The following CHST9 variants were observed in gnomAD, a reference collection of about 807,000 sequenced individuals.
CHST9 encodes the protein carbohydrate sulfotransferase 9.
Under a neutral mutation model 44.4 loss-of-function variants are expected in CHST9, and 41 were observed. That is an observed-to-expected ratio of 0.92 (90% CI 0.72 to 1.20). CHST9 has a LOEUF of 1.20. Ranked by LOEUF, CHST9 falls within the 50% of genes most tolerant of loss-of-function variation. CHST9 has a pLI of 0.00. For missense variants in CHST9, 504 were observed against 516.5 expected, an observed-to-expected ratio of 0.98 and a Z score of 0.23; for synonymous variants, 171 against 178.4, an observed-to-expected ratio of 0.96 and a Z score of 0.33.
Position 27,096,528 on chromosome 18 carries a change from T to C in CHST9, c.121+46161A>G, listed in dbSNP as rs1054177209. On this transcript the variant is annotated intron_variant, in intron 2 of 5. Transcript: ENST00000618847. ...TGAAAGGATAAGCAAGATTGGTAGATTGCTAGCTAGATTAACAAAGAAAAA... is the reference window on the plus strand; with the variant it reads ...TGAAAGGATAAGCAAGATTGGTAGACTGCTAGCTAGATTAACAAAGAAAAA... Among the ~76,000 whole-genome samples the C allele has an allele frequency of 4.0e-5, 6 of 151,860 alleles. No homozygotes were observed. The South Asian group carries it at 6.2e-4, about 16-fold the overall frequency.
intron 4 of CHST9, among the ~76,000 whole-genome samples, chr18:26,965,902 T>C (rs1002334486): frequency 3.9e-5 from 6 of 152,044 alleles, no homozygotes; most frequent in African/African-American, 9.7e-5. Context: ...GAAGTAGACA[T>C]TGAGGAAACA....
At chr18:26,948,992 C>G (rs1348356583) in intron 4 of CHST9, among the ~76,000 whole-genome samples, 1 of 152,036 alleles carries the variant, frequency 6.6e-6, no homozygotes, top group African/African-American at 2.4e-5. Context: ...GAGATTGTGA[C>G]TTGGGGTGAT....
At chr18:26,983,748 G>C (rs2056721495) in intron 4 of CHST9, among the ~76,000 whole-genome samples, 1 of 152,150 alleles carries the variant, frequency 6.6e-6, no homozygotes, top group African/African-American at 2.4e-5. Flanking sequence ...TGATATTATT[G>C]ATCTGAAGAA....
chr18:26,941,061 G>T (rs143329849), intron 5 of CHST9, among the ~76,000 whole-genome samples: 1 of 152,188 alleles, frequency 6.6e-6, no homozygotes, highest in Admixed American at 6.5e-5. Context: ...TGCTGACCCC[G>T]TATTTTGTAT....
intron 1 of CHST9, among the ~76,000 whole-genome samples, chr18:27,152,278 T>G (rs768520413): frequency 1.3e-5 from 2 of 152,172 alleles, no homozygotes; most frequent in Non-Finnish European, 2.9e-5. Flanking sequence ...TGCCCTTATA[T>G]TCTTTGTTTT....
intron 4 of CHST9, among the ~76,000 whole-genome samples, chr18:26,979,564 G>T (rs376658084): frequency 6.2e-4 from 94 of 151,800 alleles, no homozygotes; most frequent in African/African-American, 2.1e-3. Context: ...GATTTACAAG[G>T]CCTCATCTGC....
rs529041069 is a variant in CHST9, at chr18:26,927,136, A to G, written c.241-9786T>C. Among the ~76,000 whole-genome samples, 3 of 152,290 alleles carry G rather than the reference A, an allele frequency of 2.0e-5. No homozygotes were observed. The South Asian group carries it at 6.2e-4, about 32-fold the overall frequency. ...TTGTTCTAAAGTATACAGTTGCTAG[A>G]CAGAGTTCTTCTTCTTGTTCTCTGG... is the stretch of plus-strand genomic sequence containing the variant. On this transcript the variant is annotated intron_variant, in intron 5 of 5. Transcript: ENST00000618847.
Position 26,916,564 on chromosome 18 carries a change from G to A in CHST9, c.1027C>T (p.Pro343Ser). 1 of 1,613,762 alleles carries A rather than the reference G, an allele frequency of 6.2e-7. No individual in the cohort carries two copies. The highest frequency in any genetic ancestry group is 1.6e-4 in the Middle Eastern group (1 of 6,062). ...FIHYLLDSHR[P>S]VGMDIHWEKV... ...TCCCAGTGAATGTCCATTCCTACTG[G>A]ACGGTGGGAATCCAGCAAGTAGTGG... Residue 343 changes from proline (P) to serine (S), a missense_variant, in exon 6 of 6, where the codon CCA (proline) becomes TCA (serine). By Grantham distance (74) the Pro-to-Ser change is moderately conservative. Transcript: ENST00000618847.
chr18:27,026,434 C>T (rs577701618), intron 3 of CHST9, among the ~76,000 whole-genome samples: 3 of 152,210 alleles, frequency 2.0e-5, no homozygotes, highest in African/African-American at 4.8e-5. Context: ...TTTCTGTAAG[C>T]ATCGATTAAA....
At chr18:27,049,456 A>G (rs1278632766) in intron 2 of CHST9, among the ~76,000 whole-genome samples, 2 of 152,106 alleles carry the variant, frequency 1.3e-5, no homozygotes, top group African/African-American at 4.8e-5. Context: ...AGAAAATTTA[A>G]CTATCCTAAT....
chr18:27,053,218 G>GGAAGAGGAAGAA (rs1491351077), intron 2 of CHST9, among the ~76,000 whole-genome samples: 3 of 32,324 alleles, frequency 9.3e-5, no homozygotes, highest in African/African-American at 2.0e-4. Flanking sequence ...AGGAGGAAGA[G>GGAAGAGGAAGAA]GAAGAAGAAG....
chr18:27,164,513 A>C (rs1336552716), intron 1 of CHST9, among the ~76,000 whole-genome samples: 1 of 152,114 alleles, frequency 6.6e-6, no homozygotes, highest in Non-Finnish European at 1.5e-5. Flanking sequence ...AATTTCAGAC[A>C]GTTAGAAGTG....
At chr18:27,183,118 G>T (rs556948387) in intron 1 of CHST9, among the ~76,000 whole-genome samples, 102 of 149,960 alleles carry the variant, frequency 6.8e-4, no homozygotes, top group African/African-American at 2.4e-3. Flanking sequence ...ACAAAAAGGT[G>T]GGGGGTGGGG....
chr18:27,082,948 C>T (rs2057974953), intron 2 of CHST9, among the ~76,000 whole-genome samples: 1 of 152,108 alleles, frequency 6.6e-6, no homozygotes, highest in East Asian at 1.9e-4. Flanking sequence ...AAGACAACAT[C>T]ATGTTTCTTT....
intron 2 of CHST9, among the ~76,000 whole-genome samples, chr18:27,064,623 G>C (rs1453948298): frequency 6.6e-6 from 1 of 152,188 alleles, no homozygotes; most frequent in African/African-American, 2.4e-5. Context: ...AATTCCATAT[G>C]ACAACATAAA....
chr18:26,918,620 T>G (rs572327069), intron 5 of CHST9, among the ~76,000 whole-genome samples: 24 of 152,206 alleles, frequency 1.6e-4, no homozygotes, highest in African/African-American at 5.5e-4. Context: ...TCTCAAATAT[T>G]TGTGGAATGA....
chr18:26,926,255 T>C (rs2145073371), intron 5 of CHST9, among the ~76,000 whole-genome samples: 1 of 152,344 alleles, frequency 6.6e-6, no homozygotes, highest in Admixed American at 6.5e-5. Context: ...TCTATGGTCC[T>C]CTTGGATTCA....
chr18:27,173,417 T>C (rs1484742871), intron 1 of CHST9, among the ~76,000 whole-genome samples: 4 of 152,080 alleles, frequency 2.6e-5, no homozygotes, highest in Admixed American at 2.0e-4. Context: ...TCTCATACTT[T>C]GTTTTGTAGG....
chr18:26,999,750 G>T (rs767427328), intron 4 of CHST9, among the ~76,000 whole-genome samples: 9 of 152,016 alleles, frequency 5.9e-5, no homozygotes, highest in Non-Finnish European at 1.0e-4. Context: ...ACCTTTCAGG[G>T]ATTTTTAAGT....
Sources: gnomAD v4.1 joint callset for allele counts (sites outside exome capture counted in the v4.1 genomes callset) on GRCh38, gnomAD v4.1.1 for gene constraint, MANE v1.5 for transcripts, NCBI Gene and HGNC (gene_info 2026-07-23, HGNC 2026-07-21) for gene names.